The following NOL4 variants were observed in gnomAD, a reference collection of about 807,000 sequenced individuals.
NOL4 encodes the protein nucleolar protein 4.
A neutral mutation model predicts 75.9 loss-of-function variants in NOL4; 17 were observed. That is an observed-to-expected ratio of 0.22 (90% CI 0.15 to 0.34). The LOEUF (loss-of-function observed/expected upper bound fraction) is 0.34, where lower values mean the gene tolerates loss of function less well. Ranked by LOEUF, NOL4 falls within the 10% of genes least tolerant of loss-of-function variation. NOL4 has a pLI of 1.00. For missense variants in NOL4, 614 were observed against 793.5 expected (o/e 0.77, Z 2.72); for synonymous variants, 292 against 289.9 (o/e 1.01, Z -0.07).
intron 5 of NOL4, among the ~76,000 whole-genome samples, chr18:34,039,643 G>T (rs555190230): frequency 1.8e-4 from 27 of 152,078 alleles, no homozygotes; most frequent in African/African-American, 6.5e-4. Context: ...CCTGTAAATT[G>T]TTAGTTCTTT....
intron 5 of NOL4, among the ~76,000 whole-genome samples, chr18:34,046,444 A>C (rs2076367896): frequency 6.6e-6 from 1 of 151,690 alleles, no homozygotes; most frequent in South Asian, 2.1e-4. Flanking sequence ...GTCAGCCACC[A>C]CTATATTTTC....
At chr18:34,022,622 C>T (rs955398155) in intron 5 of NOL4, among the ~76,000 whole-genome samples, 1 of 151,884 alleles carries the variant, frequency 6.6e-6, no homozygotes, top group African/African-American at 2.4e-5. Flanking sequence ...TGAAAATATT[C>T]AACTCCAATT....
chr18:34,042,912 A>G (rs1163878663), intron 5 of NOL4, among the ~76,000 whole-genome samples: 1 of 152,118 alleles, frequency 6.6e-6, no homozygotes, highest in Non-Finnish European at 1.5e-5. Flanking sequence ...TGGCAGTCAG[A>G]AAAACATATA....
chr18:34,048,085 C>T (rs1179492336), intron 5 of NOL4, among the ~76,000 whole-genome samples: 1 of 152,086 alleles, frequency 6.6e-6, no homozygotes, highest in Non-Finnish European at 1.5e-5. Flanking sequence ...ACACAACTTG[C>T]TTACACATGC....
chr18:34,004,733 A>G (rs1223803141), intron 6 of NOL4, among the ~76,000 whole-genome samples: 1 of 152,086 alleles, frequency 6.6e-6, no homozygotes, highest in Non-Finnish European at 1.5e-5. Context: ...CTGGCTGGAA[A>G]CTATTTTTCT....
At chr18:33,880,215 G>A (rs1163572493) in intron 10 of NOL4, among the ~76,000 whole-genome samples, 1 of 151,562 alleles carries the variant, frequency 6.6e-6, no homozygotes, top group Non-Finnish European at 1.5e-5. Context: ...TTTATATATT[G>A]ACCTGCTAAT....
In NOL4 at chr18:33,851,690, T is replaced by G. The variant is rs2062639165; in HGVS notation, c.*1152A>C. On this transcript the variant is annotated 3_prime_UTR_variant, in exon 11 of 11. Coordinates refer to ENST00000261592, the MANE Select transcript of NOL4 (RefSeq NM_003787.5). Reference sequence around the variant, plus strand: ...CTCATGTGTATCCCACACTATAAAATAAGAAAGAAGGGTAAAGTATGGGGG... The same window carrying G: ...CTCATGTGTATCCCACACTATAAAAGAAGAAAGAAGGGTAAAGTATGGGGG... 1 of 152,312 alleles carries G rather than the reference T, an allele frequency of 6.6e-6. No homozygotes were observed. The highest frequency in any genetic ancestry group is 2.1e-4 in the South Asian group (1 of 4,826). 9.4% of individuals were successfully genotyped at this position (152,312 alleles called of 1,614,324 possible). A position where few individuals can be genotyped will look rare whatever the true frequency, so the allele number is the denominator to read the frequency against.
At position 33,859,117 on chromosome 18, in the gene NOL4, A is replaced by T. The variant is rs937022582; in HGVS notation, c.1724-6082T>A. 5.9e-5 allele frequency among the ~76,000 whole-genome samples: 9 copies of T among 151,532 alleles called. No individual in the cohort carries two copies. The East Asian group carries it at 1.7e-3, about 29-fold the overall frequency. ...TGCTTCTTTGATTTGTATTTAATCA[A>T]TTTTTTCACTTATTCTATTGTCTTT... On this transcript the variant is annotated intron_variant, in intron 10 of 10. Transcript: ENST00000261592.
In NOL4 at chr18:33,852,934, C is replaced by T. The variant is rs779154759; in HGVS notation, c.1825G>A (p.Val609Met). ...PQLSPTEINA[V>M]RQLVAGYRES... ...CGATATCCTGCAACAAGCTGTCTCA[C>T]GGCATTGATTTCAGTTGGACTCAGC... Residue 609 changes from valine to methionine, a missense_variant, in exon 11 of 11, where the codon GTG (valine) becomes ATG (methionine). Physicochemically the swap from Val to Met is conservative, Grantham distance 21. This residue lies in a region of NOL4 where 128 missense variants were observed against 159.9 expected (regional missense o/e 0.80). Transcript: ENST00000261592. 1.2e-6 allele frequency: 2 copies of T among 1,613,174 alleles called. No homozygotes were observed. Among genetic ancestry groups the T allele is most frequent in the Admixed American group, 1.7e-5 (1 of 59,872 alleles).
rs543708920 is a variant in NOL4 at position 33,931,464 on chromosome 18, C to T, written c.1542+11601G>A. 7.2e-5 allele frequency among the ~76,000 whole-genome samples: 11 copies of T among 152,224 alleles called. No individual in the cohort carries two copies. The South Asian group carries it at 2.3e-3, about 32-fold the overall frequency. ...TTAAAGTAGTGTCTGAGCACAGTGG[C>T]TCATGCCTGTCATCCTAGTACTTTG... is the stretch of plus-strand genomic sequence containing the variant. On this transcript the variant is annotated intron_variant, in intron 9 of 10. Coordinates refer to ENST00000261592, the MANE Select transcript of NOL4 (RefSeq NM_003787.5).
intron 9 of NOL4, among the ~76,000 whole-genome samples, chr18:33,902,728 C>T (rs1200482284): frequency 1.3e-5 from 2 of 151,928 alleles, no homozygotes; most frequent in Admixed American, 6.6e-5. Context: ...AATGAGTTTC[C>T]CATAAGGAGA....
chr18:33,974,141 T>C (rs1470872667), intron 6 of NOL4, among the ~76,000 whole-genome samples: 1 of 152,214 alleles, frequency 6.6e-6, no homozygotes, highest in Admixed American at 6.5e-5. Flanking sequence ...CTGCAATTTC[T>C]ACATCAGCAT....
At chr18:33,942,649 T>C (rs759190514) in intron 9 of NOL4, among the ~76,000 whole-genome samples, 1 of 151,894 alleles carries the variant, frequency 6.6e-6, no homozygotes. Flanking sequence ...CTCAGCATCA[T>C]GTATTGGCAT....
chr18:34,002,266 GC>G (rs927788340), intron 6 of NOL4, among the ~76,000 whole-genome samples: 1 of 151,498 alleles, frequency 6.6e-6, no homozygotes, highest in East Asian at 1.9e-4. Context: ...TTTTCCAGTA[GC>G]CCCCCCATTC....
intron 1 of NOL4, among the ~76,000 whole-genome samples, chr18:34,167,912 ATCTTCACATC>A (rs2032584396): frequency 1.3e-5 from 2 of 152,094 alleles, no homozygotes; most frequent in Admixed American, 1.3e-4. Context: ...TTTCGACAAT[ATCTTCACATC>A]CATTTTTCAG....
chr18:34,165,868 A>C (rs2032269552), intron 1 of NOL4, among the ~76,000 whole-genome samples: 1 of 152,030 alleles, frequency 6.6e-6, no homozygotes, highest in Non-Finnish European at 1.5e-5. Flanking sequence ...TAAAATTGGT[A>C]AATAGGCTTT....
intron 5 of NOL4, among the ~76,000 whole-genome samples, chr18:34,059,502 C>G (rs1350767470): frequency 1.3e-5 from 2 of 152,102 alleles, no homozygotes. Context: ...CACCTGAATG[C>G]ACCCAGATTG....
intron 1 of NOL4, among the ~76,000 whole-genome samples, chr18:34,200,519 T>C (rs2035658344): frequency 6.6e-6 from 1 of 151,826 alleles, no homozygotes; most frequent in Non-Finnish European, 1.5e-5. Flanking sequence ...TCTTTAATGC[T>C]CTTATATCTT....
intron 8 of NOL4, among the ~76,000 whole-genome samples, chr18:33,956,386 T>C (rs567197793): frequency 6.6e-6 from 1 of 152,316 alleles, no homozygotes; most frequent in Non-Finnish European, 1.5e-5. Context: ...ATTTTATGAT[T>C]TGAGATAATT....
Sources: allele counts gnomAD v4.1 joint callset (sites outside exome capture counted in the v4.1 genomes callset), GRCh38; gene constraint gnomAD v4.1.1; regional missense constraint gnomAD v4.1.1; transcripts MANE v1.5; gene names NCBI Gene and HGNC (gene_info 2026-07-23, HGNC 2026-07-21).